The following SLC2A13 variants were observed in gnomAD, a reference collection of about 807,000 sequenced individuals.
SLC2A13 encodes proton myo-inositol cotransporter.
In SLC2A13, 32 loss-of-function variants were observed where a neutral mutation model predicts 64.4. The ratio of observed to expected loss-of-function variants is 0.50; its 90% CI spans 0.37 to 0.67. The LOEUF (loss-of-function observed/expected upper bound fraction) is 0.67, where lower values mean the gene tolerates loss of function less well. Ranked by LOEUF, SLC2A13 falls within the 30% of genes least tolerant of loss-of-function variation. The probability of loss-of-function intolerance (pLI) is 0.00; values close to 1 mark genes in which losing one functional copy is unlikely to be tolerated. For synonymous variants in SLC2A13, 338 were observed against 327.1 expected (o/e 1.03, Z -0.36); for missense variants, 743 against 829.2 (o/e 0.90, Z 1.28).
intron 1 of SLC2A13, among the ~76,000 whole-genome samples, chr12:40,056,675 A>G (rs572249814): frequency 6.6e-6 from 1 of 152,322 alleles, no homozygotes; most frequent in South Asian, 2.1e-4. Flanking sequence ...ACAGATGATA[A>G]TTGCATAGGT....
chr12:40,082,835 A>G (rs990504466), intron 1 of SLC2A13, among the ~76,000 whole-genome samples: 10 of 152,074 alleles, frequency 6.6e-5, no homozygotes, highest in African/African-American at 2.4e-4. Context: ...CTCCAAGCCT[A>G]TTTCACTCGC....
At chr12:39,984,663 GCCATTTA>G (rs1946995473) in intron 3 of SLC2A13, among the ~76,000 whole-genome samples, 1 of 151,990 alleles carries the variant, frequency 6.6e-6, no homozygotes, top group African/African-American at 2.4e-5. Flanking sequence ...AAAAATCAAA[GCCATTTA>G]CTTCTTTGAT....
At chr12:39,926,187 T>C (rs1288729497) in intron 4 of SLC2A13, among the ~76,000 whole-genome samples, 2 of 152,068 alleles carry the variant, frequency 1.3e-5, no homozygotes, top group African/African-American at 4.8e-5. Flanking sequence ...TATTCCTCAA[T>C]TATAGAAAAA....
At chr12:39,783,387 G>C (rs575418375) in intron 7 of SLC2A13, among the ~76,000 whole-genome samples, 1 of 152,186 alleles carries the variant, frequency 6.6e-6, no homozygotes, top group Non-Finnish European at 1.5e-5. Flanking sequence ...TATATACCCA[G>C]CAATGGGATG....
At chr12:39,986,664 A>G (rs1170498195) in intron 3 of SLC2A13, among the ~76,000 whole-genome samples, 1 of 149,544 alleles carries the variant, frequency 6.7e-6, no homozygotes, top group Non-Finnish European at 1.5e-5. Flanking sequence ...AAGCAGACCA[A>G]AAAAAAAAAG....
chr12:40,012,800 C>A (rs1947552449), intron 3 of SLC2A13, among the ~76,000 whole-genome samples: 1 of 152,140 alleles, frequency 6.6e-6, no homozygotes, highest in Admixed American at 6.5e-5. Context: ...AACTTCCCAA[C>A]AAATGTCTGG....
intron 3 of SLC2A13, among the ~76,000 whole-genome samples, chr12:39,976,958 A>G (rs1372574681): frequency 1.3e-5 from 2 of 152,166 alleles, no homozygotes; most frequent in African/African-American, 4.8e-5. Context: ...ATCTTATGCA[A>G]TGCATTAAAA....
intron 3 of SLC2A13, among the ~76,000 whole-genome samples, chr12:39,997,182 A>G (rs1447766642): frequency 6.6e-6 from 1 of 152,224 alleles, no homozygotes; most frequent in Admixed American, 6.5e-5. Flanking sequence ...CAGTATAAAA[A>G]TAAGCACATA....
intron 2 of SLC2A13, among the ~76,000 whole-genome samples, chr12:40,039,859 G>C (rs917419297): frequency 1.3e-5 from 2 of 152,114 alleles, no homozygotes; most frequent in African/African-American, 4.8e-5. Flanking sequence ...TTCACTCTTG[G>C]TGCTATATAG....
intron 3 of SLC2A13, among the ~76,000 whole-genome samples, chr12:40,020,577 C>T (rs1222008571): frequency 3.3e-5 from 5 of 152,232 alleles, no homozygotes; most frequent in African/African-American, 1.2e-4. Context: ...GACTAATACA[C>T]ATGGCCATTG....
At position 40,038,430 on chromosome 12, in the gene SLC2A13, C is replaced by T. The variant is rs1046749800; in HGVS notation, c.716+9621G>A. On this transcript the variant is annotated intron_variant, in intron 2 of 9. Coordinates refer to ENST00000280871, the MANE Select transcript of SLC2A13 (RefSeq NM_052885.4). ...GGATATGATGAATTCTGGAGACTGT[C>T]TAATGTAAATGTGAAAAATAATTCA... Among the ~76,000 whole-genome samples, 4 of 151,986 alleles carry T rather than the reference C, an allele frequency of 2.6e-5. No homozygotes were observed. The East Asian group carries it at 5.8e-4, about 22-fold the overall frequency.
At chr12:39,781,486 G>C (rs1940981862) in intron 7 of SLC2A13, among the ~76,000 whole-genome samples, 1 of 152,142 alleles carries the variant, frequency 6.6e-6, no homozygotes. Context: ...CACAGTTGGG[G>C]CTCAATACAT....
chr12:39,896,207 T>C (rs1187409630), intron 4 of SLC2A13, among the ~76,000 whole-genome samples: 2 of 148,688 alleles, frequency 1.3e-5, no homozygotes, highest in Admixed American at 6.7e-5. Flanking sequence ...TATGTATACA[T>C]GTATATACGT....
At chr12:40,071,757 T>C (rs894555198) in intron 1 of SLC2A13, among the ~76,000 whole-genome samples, 11 of 152,156 alleles carry the variant, frequency 7.2e-5, no homozygotes, top group Non-Finnish European at 1.2e-4. Flanking sequence ...ATTTTTAATG[T>C]CCATGGAATC....
chr12:39,894,241 T>C (rs533221284), intron 4 of SLC2A13, among the ~76,000 whole-genome samples: 4 of 152,356 alleles, frequency 2.6e-5, no homozygotes, highest in South Asian at 2.1e-4. Flanking sequence ...AACATGACTA[T>C]CTTAGCTTTT....
chr12:39,774,098 G>T (rs902834110), intron 7 of SLC2A13, among the ~76,000 whole-genome samples: 1 of 152,086 alleles, frequency 6.6e-6, no homozygotes. Context: ...AACCCTAATA[G>T]TTCTTTATTG....
chr12:39,769,727 A>G (rs1940493491), intron 7 of SLC2A13, among the ~76,000 whole-genome samples: 1 of 151,866 alleles, frequency 6.6e-6, no homozygotes, highest in Non-Finnish European at 1.5e-5. Context: ...TCTGTCTACA[A>G]TACACAAGAT....
chr12:40,077,743 A>G (rs1938235643), intron 1 of SLC2A13, among the ~76,000 whole-genome samples: 2 of 152,180 alleles, frequency 1.3e-5, no homozygotes, highest in South Asian at 4.1e-4. Flanking sequence ...TGAGTTGGAC[A>G]TATGGCCATT....
At chr12:39,889,472 T>C (rs116961749) in intron 4 of SLC2A13, among the ~76,000 whole-genome samples, 1,774 of 151,928 alleles carry the variant, frequency 0.012, 22 homozygotes, top group Middle Eastern at 0.034. Flanking sequence ...GGTAGTCATA[T>C]ACTATTATAC....
Sources: allele counts gnomAD v4.1 joint callset (sites outside exome capture counted in the v4.1 genomes callset), GRCh38; gene constraint gnomAD v4.1.1; transcripts MANE v1.5; gene names NCBI Gene and HGNC (gene_info 2026-07-23, HGNC 2026-07-21).